RNF212B: variants seen among roughly 807,000 people sequenced by gnomAD.
RNF212B encodes ring finger protein 212B, also known as E3 ubiquitin-protein ligase RNF212B.
In RNF212B, 52 loss-of-function variants were observed where a neutral mutation model predicts 55.5. The ratio of observed to expected loss-of-function variants is 0.94; its 90% CI spans 0.75 to 1.18. The LOEUF (loss-of-function observed/expected upper bound fraction) is 1.18, where lower values mean the gene tolerates loss of function less well. Ranked by LOEUF, RNF212B falls within the 50% of genes most tolerant of loss-of-function variation. The pLI, the probability that RNF212B is intolerant of heterozygous loss-of-function variation, is 0.00. For synonymous variants in RNF212B, 99 were observed against 121.4 expected (o/e 0.82, Z 1.21); for missense variants, 289 against 350.4 (o/e 0.82, Z 1.40).
Position 23,269,885 on chromosome 14 carries a change from CAG to C in RNF212B, c.698_699del (p.Gln233ArgfsTer38), listed in dbSNP as rs1383959405. ...SYRTSSASSG[Q>X]GIFSFRPSPN... ...TAGAACTTCATCTGCCTCCTCTGGA[CAG>C]GGGATTTTTTCTTTCAGACCATCCC... On this transcript the variant is annotated frameshift_variant, in exon 13 of 15. Transcript: ENST00000430154. LOFTEE classifies it high-confidence loss of function. 1 of 1,547,386 alleles carries C rather than the reference CAG, an allele frequency of 6.5e-7. No individual in the cohort carries two copies. Among genetic ancestry groups the C allele is most frequent in the Non-Finnish European group, 8.7e-7 (1 of 1,144,180 alleles).
intron 11 of RNF212B, 127 bp downstream of exon 11, chr14:23,264,798 A>T: frequency 2.4e-6 from 1 of 425,258 alleles, no homozygotes; most frequent in Non-Finnish European, 4.0e-6. Context: ...GATTCCATGT[A>T]TCCATACATA....
At chr14:23,272,727 CTG>C in intron 14 of RNF212B, 94 bp from the exon 15 acceptor site, 1 of 775,004 alleles carries the variant, frequency 1.3e-6, no homozygotes, top group South Asian at 1.5e-5. Context: ...GCAGTGGTGT[CTG>C]TCTCGATAAG....
chr14:23,204,016 A>G lies in RNF212B; in HGVS notation c.-2+10615A>G, dbSNP rs565041141. Reference sequence around the variant, plus strand: ...GCATACGTTTGTTTGCCATTTGTATATCTTCTCTTGAGAATTGTCTATTCA... The same window carrying G: ...GCATACGTTTGTTTGCCATTTGTATGTCTTCTCTTGAGAATTGTCTATTCA... On this transcript the variant is annotated intron_variant, in intron 2 of 15. Coordinates refer to the RNF212B transcript ENST00000399910. Among the ~76,000 whole-genome samples the G allele has an allele frequency of 4.6e-5, 7 of 152,246 alleles. No individual in the cohort carries two copies. The East Asian group carries it at 1.4e-3, about 29-fold the overall frequency.
chr14:23,213,377 A>T (rs1880743027), intron 2 of RNF212B, among the ~76,000 whole-genome samples: 1 of 152,114 alleles, frequency 6.6e-6, no homozygotes, highest in African/African-American at 2.4e-5. Flanking sequence ...AAATGAAGAG[A>T]TATACTTTGT....
At chr14:23,269,776 C>A (rs1885942660) in intron 12 of RNF212B, 87 bp from the exon 13 acceptor site, 2 of 696,204 alleles carry the variant, frequency 2.9e-6, no homozygotes, top group Admixed American at 5.5e-5. Context: ...TCTGGCCTAG[C>A]TGTATAGGCT....
intron 4 of RNF212B, among the ~76,000 whole-genome samples, chr14:23,256,635 G>C (rs779151248): frequency 1.3e-5 from 2 of 151,942 alleles, no homozygotes; most frequent in Non-Finnish European, 2.9e-5. Context: ...GTCTCCCAAA[G>C]TGCTAGGATT....
chr14:23,240,579 C>G, intron 2 of RNF212B, 134 bp downstream of exon 2: 1 of 541,702 alleles, frequency 1.8e-6, no homozygotes, highest in Non-Finnish European at 3.2e-6. Flanking sequence ...CTGTAGGAAA[C>G]TGTCAATTTT....
At chr14:23,219,417 A>G (rs1220617992) in intron 2 of RNF212B, among the ~76,000 whole-genome samples, 2 of 152,196 alleles carry the variant, frequency 1.3e-5, no homozygotes, top group African/African-American at 4.8e-5. Context: ...GAGAAAGAAC[A>G]AAAAGTTTAA....
rs377068519 is a variant in RNF212B at position 23,230,586 on chromosome 14, G to A, written c.-1-9759G>A. 9.0e-3 allele frequency among the ~76,000 whole-genome samples: 1,339 copies of A among 149,524 alleles called. 16 individuals are homozygous for A. Among genetic ancestry groups the A allele is most frequent in the African/African-American group, 0.031 (1,250 of 40,330 alleles). On this transcript the variant is annotated intron_variant, in intron 2 of 15. Transcript: ENST00000399910. The stretch of plus-strand genomic sequence containing the variant: ...GGAGAATGGCGTGAACCCGGGAGGC[G>A]GAGCTTGCAGTGAGCCGAGATCGCG...
intron 2 of RNF212B, among the ~76,000 whole-genome samples, chr14:23,219,665 T>C (rs1330128442): frequency 6.6e-6 from 1 of 151,544 alleles, no homozygotes; most frequent in Non-Finnish European, 1.5e-5. Flanking sequence ...AGAGATGGGG[T>C]TTCACCATGT....
At chr14:23,222,331 G>A (rs1384578095) in intron 2 of RNF212B, among the ~76,000 whole-genome samples, 1 of 152,006 alleles carries the variant, frequency 6.6e-6, no homozygotes, top group Non-Finnish European at 1.5e-5. Context: ...GGAATTCAAA[G>A]GGTTATTAAT....
At chr14:23,200,134 T>C (rs1440957567) in intron 2 of RNF212B, among the ~76,000 whole-genome samples, 2 of 152,154 alleles carry the variant, frequency 1.3e-5, no homozygotes, top group African/African-American at 4.8e-5. Flanking sequence ...CATGGTAGGA[T>C]TGGTTTGCTT....
chr14:23,263,714 C>G (rs1885470476), intron 9 of RNF212B, among the ~76,000 whole-genome samples: 1 of 152,134 alleles, frequency 6.6e-6, no homozygotes, highest in Admixed American at 6.6e-5. Flanking sequence ...ATCAATCCAG[C>G]TTCGGAGACT....
intron 2 of RNF212B, among the ~76,000 whole-genome samples, chr14:23,202,067 A>G (rs1882358432): frequency 6.6e-6 from 1 of 152,178 alleles, no homozygotes; most frequent in Non-Finnish European, 1.5e-5. Context: ...CTTGACCAAC[A>G]TGGTGAAACC....
In RNF212B at chr14:23,240,423, C is replaced by T; in HGVS notation, c.78C>T (p.Phe26=). 6.5e-7 allele frequency: 1 copy of T among 1,550,022 alleles called. No homozygotes were observed. Among genetic ancestry groups the T allele is most frequent in the South Asian group, 1.2e-5 (1 of 84,020 alleles). ...HFFVTSCGHI[F]CKKCVTLEKC... Reference sequence around the variant, plus strand: ...TTGTCACCAGCTGTGGCCATATTTTCTGTAAAAAGTGTGTGACTCTGGGTG... The same window carrying T: ...TTGTCACCAGCTGTGGCCATATTTTTTGTAAAAAGTGTGTGACTCTGGGTG... Residue 26 remains phenylalanine, a synonymous_variant, in exon 2 of 15, where the codon TTC becomes TTT. Coordinates refer to ENST00000430154, the MANE Select transcript of RNF212B (RefSeq NM_001282322.3).
chr14:23,212,928 A>G (rs1193915828), intron 2 of RNF212B, among the ~76,000 whole-genome samples: 7 of 152,084 alleles, frequency 4.6e-5, no homozygotes, highest in African/African-American at 1.7e-4. Context: ...CTAATAGTAG[A>G]TTTCAGACAT....
intron 1 of RNF212B, among the ~76,000 whole-genome samples, chr14:23,239,893 A>C (rs1395680315): frequency 6.6e-6 from 1 of 152,160 alleles, no homozygotes; most frequent in Non-Finnish European, 1.5e-5. Context: ...TGCTGGGATT[A>C]CAGGCGTGAG....
At chr14:23,263,122 C>T (rs1032203100) in intron 9 of RNF212B, among the ~76,000 whole-genome samples, 152 bp downstream of exon 9, 7 of 151,476 alleles carry the variant, frequency 4.6e-5, no homozygotes, top group African/African-American at 1.5e-4. Context: ...AAACTGTATC[C>T]AGCTTTATTA....
At chr14:23,198,356 T>C (rs1251581930) in intron 2 of RNF212B, among the ~76,000 whole-genome samples, 1 of 152,168 alleles carries the variant, frequency 6.6e-6, no homozygotes, top group Non-Finnish European at 1.5e-5. Context: ...ATCCAGTTTA[T>C]AATCAAATTT....
Sources: gnomAD v4.1 joint callset for allele counts (sites outside exome capture counted in the v4.1 genomes callset) on GRCh38, gnomAD v4.1.1 for gene constraint, MANE v1.5 for transcripts, NCBI Gene and HGNC (gene_info 2026-07-23, HGNC 2026-07-21) for gene names.